Variants in FIG4 observed in about 807,000 individuals in gnomAD.
The protein encoded by FIG4 is polyphosphoinositide phosphatase.
FIG4 carries 112 observed loss-of-function variants against 118.6 expected under a neutral mutation model. The ratio of observed to expected loss-of-function variants is 0.94; its 90% CI spans 0.81 to 1.11. FIG4 has a LOEUF of 1.11. Ranked by LOEUF, FIG4 falls within the 50% of genes least tolerant of loss-of-function variation. The pLI is 0.00. For synonymous variants in FIG4, 369 were observed against 381.2 expected (o/e 0.97, Z 0.37); for missense variants, 969 against 1,111.7 (o/e 0.87, Z 1.83).
chr6:109,803,689 T>C (rs1385180325), intron 22 of FIG4, among the ~76,000 whole-genome samples: 1 of 152,160 alleles, frequency 6.6e-6, no homozygotes, highest in African/African-American at 2.4e-5. Context: ...TACATATGTA[T>C]ACATGTGCCA....
intron 7 of FIG4, among the ~76,000 whole-genome samples, chr6:109,740,152 A>G (rs1776280428): frequency 6.6e-6 from 1 of 152,172 alleles, no homozygotes; most frequent in Non-Finnish European, 1.5e-5. Context: ...AAGGATACCA[A>G]AAAGAATGTG....
intron 22 of FIG4, among the ~76,000 whole-genome samples, chr6:109,818,917 G>A (rs1445244818): frequency 1.3e-5 from 2 of 152,136 alleles, no homozygotes; most frequent in Non-Finnish European, 2.9e-5. Flanking sequence ...TTGCTTTTCC[G>A]CTGCTGCACA....
intron 18 of FIG4, 125 bp from the exon 19 acceptor site, chr6:109,789,469 A>G: frequency 1.3e-6 from 1 of 748,564 alleles, no homozygotes; most frequent in Non-Finnish European, 2.4e-6. Context: ...AAGTTGGCTC[A>G]GAATATGTAA....
intron 6 of FIG4, among the ~76,000 whole-genome samples, chr6:109,737,090 C>T (rs1776180301): frequency 1.3e-5 from 2 of 152,118 alleles, no homozygotes. Flanking sequence ...ACTTCATCTG[C>T]AGCTTTAATT....
chr6:109,743,933 T>C (rs1329022034), intron 10 of FIG4, among the ~76,000 whole-genome samples, 161 bp downstream of exon 10: 1 of 152,174 alleles, frequency 6.6e-6, no homozygotes, highest in Non-Finnish European at 1.5e-5. Context: ...TGAGTCACTT[T>C]CCTTTGGCCT....
chr6:109,807,230 T>G (rs1778590057), intron 22 of FIG4, among the ~76,000 whole-genome samples: 1 of 152,222 alleles, frequency 6.6e-6, no homozygotes, highest in Non-Finnish European at 1.5e-5. Flanking sequence ...CCACCAACAG[T>G]GTAAAAGTGT....
chr6:109,794,013 AT>A (rs767380098), intron 21 of FIG4, among the ~76,000 whole-genome samples: 1 of 152,318 alleles, frequency 6.6e-6, no homozygotes, highest in Non-Finnish European at 1.5e-5. Flanking sequence ...TGAAGAATGA[AT>A]TATCTGAAGT....
chr6:109,764,675 G>GA lies in FIG4; in HGVS notation c.1435-332dup, dbSNP rs138169515. ...CACTGTATAATAAGGAGATAGGTCA[G>GA]AAAAAAGCCCATATTTTGCTAACTG... On this transcript the variant is annotated intron_variant, in intron 13 of 22. Transcript: ENST00000230124. Among the ~76,000 whole-genome samples the GA allele has an allele frequency of 5.9e-3, 891 of 152,166 alleles. 6 individuals are homozygous for GA. The highest frequency in any genetic ancestry group is 0.02 in the African/African-American group (850 of 41,522).
intron 1 of FIG4, among the ~76,000 whole-genome samples, chr6:109,706,311 A>G (rs918786123): frequency 2.0e-5 from 3 of 152,222 alleles, no homozygotes; most frequent in African/African-American, 7.2e-5. Context: ...CTCAGTGCCC[A>G]AAGTCCTGCT....
At chr6:109,785,725 T>G (rs1347947522) in intron 17 of FIG4, 1 of 470,274 alleles carries the variant, frequency 2.1e-6, no homozygotes, top group East Asian at 7.0e-5. Flanking sequence ...GGACTCCATC[T>G]AGTCATGCTT....
rs1778302023 is a variant in FIG4 at position 109,796,845 on chromosome 6, T to C, written c.2540T>C (p.Ile847Thr). 1 of 1,572,782 alleles carries C rather than the reference T, an allele frequency of 6.4e-7. No homozygotes were observed. The highest frequency in any genetic ancestry group is 8.8e-7 in the Non-Finnish European group (1 of 1,142,290). The change falls in exon 22 of 23, where the codon ATA becomes ACA. Residue 847 changes from isoleucine to threonine, a missense_variant. Physicochemically the swap from Ile to Thr is moderately conservative, Grantham distance 89 (BLOSUM62 -1). Coordinates refer to ENST00000230124, the MANE Select transcript of FIG4 (RefSeq NM_014845.6). ...TGTTCTAGGTGCTCAGATGGAGTTA[T>C]AAAACTGTAAGTACTAGATTAGATC... Reference protein sequence around the residue: ...QPCSRCSDGVIKLTPISAFSQ... With the variant: ...QPCSRCSDGVTKLTPISAFSQ...
intron 2 of FIG4, among the ~76,000 whole-genome samples, chr6:109,715,746 G>A (rs1035634808): frequency 6.6e-6 from 1 of 152,114 alleles, no homozygotes; most frequent in African/African-American, 2.4e-5. Context: ...CTATATGGTG[G>A]TTTGAACAGT....
At chr6:109,818,496 G>A (rs114928104) in intron 22 of FIG4, among the ~76,000 whole-genome samples, 2,917 of 152,070 alleles carry the variant, frequency 0.019, 111 homozygotes, top group African/African-American at 0.066. Context: ...CACCACACCC[G>A]GCCTCACATA....
At chr6:109,742,198 C>T in intron 8 of FIG4, among the ~76,000 whole-genome samples, 1 of 151,876 alleles carries the variant, frequency 6.6e-6, no homozygotes. Context: ...AATAGCAAAG[C>T]ACCTCCACCC....
intron 22 of FIG4, among the ~76,000 whole-genome samples, chr6:109,802,466 A>G (rs1778451242): frequency 6.6e-6 from 1 of 152,240 alleles, no homozygotes; most frequent in Non-Finnish European, 1.5e-5. Flanking sequence ...AACTGAATAT[A>G]AAGTATGACC....
At chr6:109,732,763 G>A in intron 5 of FIG4, 76 bp downstream of exon 5, 2 of 850,578 alleles carry the variant, frequency 2.4e-6, no homozygotes, top group Non-Finnish European at 2.0e-6. Flanking sequence ...AAAGCAGAAT[G>A]AGAACATAGT....
chr6:109,695,601 GACAC>G (rs202167631), intron 1 of FIG4, among the ~76,000 whole-genome samples: 6 of 99,338 alleles, frequency 6.0e-5, no homozygotes, highest in Admixed American at 2.0e-4. Context: ...CACACACACA[GACAC>G]ACACACACAC....
chr6:109,812,959 A>T (rs1033263156), intron 22 of FIG4, among the ~76,000 whole-genome samples: 10 of 152,146 alleles, frequency 6.6e-5, no homozygotes, highest in Non-Finnish European at 1.3e-4. Context: ...TTGTATTCTT[A>T]TGTAAATCTA....
intron 17 of FIG4, among the ~76,000 whole-genome samples, chr6:109,785,329 TTAAAC>T (rs1024406092): frequency 5.3e-5 from 8 of 152,172 alleles, no homozygotes; most frequent in South Asian, 2.1e-4. Context: ...GCTCATCACT[TTAAAC>T]TAATACAGTT....
Sources: gnomAD v4.1 joint callset for allele counts (sites outside exome capture counted in the v4.1 genomes callset) on GRCh38, gnomAD v4.1.1 for gene constraint, MANE v1.5 for transcripts, NCBI Gene and HGNC (gene_info 2026-07-23, HGNC 2026-07-21) for gene names.